The following NDUFS6 variants were observed in gnomAD, a reference collection of about 807,000 sequenced individuals.
NDUFS6 encodes the protein NADH dehydrogenase [ubiquinone] iron-sulfur protein 6, mitochondrial.
A neutral mutation model predicts 13.2 loss-of-function variants in NDUFS6; 14 were observed. That is an observed-to-expected ratio of 1.06 (90% CI 0.70 to 1.66). NDUFS6 has a LOEUF of 1.66. Among genes scored for constraint, NDUFS6 ranks in the 40% most tolerant of loss-of-function variants. The pLI, the probability that NDUFS6 is intolerant of heterozygous loss-of-function variation, is 0.00. For synonymous variants in NDUFS6, 95 were observed against 72.3 expected (o/e 1.31, Z -1.60); for missense variants, 206 against 170.8 (o/e 1.21, Z -1.15).
chr5:1,807,376 A>G (rs996294245), intron 2 of NDUFS6, among the ~76,000 whole-genome samples: 4 of 152,190 alleles, frequency 2.6e-5, no homozygotes, highest in African/African-American at 7.2e-5. Context: ...TGGTTGCACA[A>G]TAATGTGAAT....
At chr5:1,802,509 T>G in intron 2 of NDUFS6, 135 bp downstream of exon 2, 1 of 655,274 alleles carries the variant, frequency 1.5e-6, no homozygotes, top group Non-Finnish European at 2.6e-6. Flanking sequence ...CTGGATGGGG[T>G]TCTTCCTTTC....
chr5:1,814,906 G>C lies in NDUFS6; in HGVS notation c.309+445G>C, dbSNP rs1475076546. On this transcript the variant is annotated intron_variant, in intron 3 of 3. Coordinates refer to ENST00000274137, the MANE Select transcript of NDUFS6 (RefSeq NM_004553.6). This position sits in a 1 kb window ranked among gnomAD's most constrained non-coding sequence, Gnocchi z 4.9. ...GGCTTGCAGATGAGGTCTCCTCCCT[G>C]TGTCTTCACAGGGCCGTCCCTCTGT... 6.6e-6 allele frequency among the ~76,000 whole-genome samples: 1 copy of C among 152,124 alleles called. No homozygotes were observed. Among genetic ancestry groups the C allele is most frequent in the Non-Finnish European group, 1.5e-5 (1 of 68,016 alleles).
At position 1,814,274 on chromosome 5, in the gene NDUFS6, G is replaced by T. The variant is rs537678832; in HGVS notation, c.187-65G>T. 6.5e-7 allele frequency: 1 copy of T among 1,532,436 alleles called. No individual in the cohort carries two copies. The highest frequency in any genetic ancestry group is 2.3e-5 in the East Asian group (1 of 43,914). The allele number at this position is 1,532,436 out of a possible 1,614,324, so 94.9% of individuals were successfully genotyped here. ...ATGGTACATGAATTTGTGTGTGGTGGGTTAAATTGTATGTAGTTAGCAAGT... is the reference window on the plus strand; with the variant it reads ...ATGGTACATGAATTTGTGTGTGGTGTGTTAAATTGTATGTAGTTAGCAAGT... On this transcript the variant is annotated intron_variant, in intron 2 of 3. Transcript: ENST00000274137. This position sits in a 1 kb window ranked among gnomAD's most constrained non-coding sequence, Gnocchi z 4.9.
rs1250169721 is a variant in NDUFS6 at position 1,816,000 on chromosome 5, G to T, written c.*84G>T. On this transcript the variant is annotated 3_prime_UTR_variant, in exon 4 of 4. Coordinates refer to ENST00000274137, the MANE Select transcript of NDUFS6 (RefSeq NM_004553.6). Reference sequence around the variant, plus strand: ...AGCACGTGAAGCTCGCTGGTTCTGTGCGAAGGGTATTCCTGGTGCTGAATA... The same window carrying T: ...AGCACGTGAAGCTCGCTGGTTCTGTTCGAAGGGTATTCCTGGTGCTGAATA... 8 of 1,431,554 alleles carry T rather than the reference G, an allele frequency of 5.6e-6. No homozygotes were observed. Among genetic ancestry groups the T allele is most frequent in the Admixed American group, 1.7e-5 (1 of 59,784 alleles). 88.7% of individuals were successfully genotyped at this position (1,431,554 alleles called of 1,614,324 possible).
chr5:1,806,321 G>A (rs1734121295), intron 2 of NDUFS6, among the ~76,000 whole-genome samples: 2 of 152,154 alleles, frequency 1.3e-5, no homozygotes, highest in Admixed American at 6.5e-5. Context: ...TCGGCAGGGC[G>A]GAGTCACTCC....
At chr5:1,813,059 G>T (rs954564993) in intron 2 of NDUFS6, among the ~76,000 whole-genome samples, 1 of 151,912 alleles carries the variant, frequency 6.6e-6, no homozygotes, top group Non-Finnish European at 1.5e-5. Context: ...CTCAAAAAAA[G>T]AAAAGAAAGG....
rs1251044703 is a variant in NDUFS6, at chr5:1,808,244, G to A, written c.186+5870G>A. On this transcript the variant is annotated intron_variant, in intron 2 of 3. Transcript: ENST00000274137. ...GTCCTTTAGGGGGTGTTTGAGACGC[G>A]GGCGGTGCGATGTGCGCCATGGCTG... 3.3e-5 allele frequency among the ~76,000 whole-genome samples: 5 copies of A among 152,112 alleles called. No homozygotes were observed. The East Asian group carries it at 7.7e-4, about 23-fold the overall frequency.
chr5:1,808,862 A>G (rs3776143), intron 2 of NDUFS6, among the ~76,000 whole-genome samples: 110,980 of 152,246 alleles, frequency 0.73, 43,487 homozygotes, highest in Non-Finnish European at 0.87. Flanking sequence ...AATTATTGGC[A>G]TTCATGTTCA....
At chr5:1,815,792 A>C (rs1321283145) in intron 3 of NDUFS6, 59 bp from the exon 4 acceptor site, 1 of 1,522,204 alleles carries the variant, frequency 6.6e-7, no homozygotes, top group Non-Finnish European at 9.1e-7. Flanking sequence ...TCAATGCTTA[A>C]TATCTAGATT....
rs181553814 is a variant in NDUFS6 at position 1,813,009 on chromosome 5, G to A, written c.187-1330G>A. Among the ~76,000 whole-genome samples, 215 of 152,174 alleles carry A rather than the reference G, an allele frequency of 1.4e-3. 2 individuals are homozygous for A. Among genetic ancestry groups the A allele is most frequent in the Non-Finnish European group, 4.0e-4 (27 of 68,002 alleles). On this transcript the variant is annotated intron_variant, in intron 2 of 3. Coordinates refer to ENST00000274137, the MANE Select transcript of NDUFS6 (RefSeq NM_004553.6). ...GGAGGTGGCAGTGAGCCAAAATCGC[G>A]CCACTGCATTCCAGCCTGGGCGACA...
intron 2 of NDUFS6, among the ~76,000 whole-genome samples, chr5:1,808,337 C>T (rs559006817): frequency 6.6e-6 from 1 of 152,202 alleles, no homozygotes; most frequent in African/African-American, 2.4e-5. Flanking sequence ...CTCCCAAATA[C>T]GCCATCTTTA....
chr5:1,808,633 G>A (rs991618242), intron 2 of NDUFS6, among the ~76,000 whole-genome samples: 2 of 152,170 alleles, frequency 1.3e-5, no homozygotes, highest in African/African-American at 4.8e-5. Flanking sequence ...GTGTCTTGTG[G>A]TTCTTTCTCT....
intron 2 of NDUFS6, among the ~76,000 whole-genome samples, chr5:1,812,456 C>G (rs1734232148): frequency 6.9e-6 from 1 of 145,194 alleles, no homozygotes; most frequent in African/African-American, 2.5e-5. Flanking sequence ...CCACATTTTG[C>G]AGTTATAATC....
chr5:1,802,801 TCC>T (rs1482960311), intron 2 of NDUFS6, among the ~76,000 whole-genome samples: 1 of 152,202 alleles, frequency 6.6e-6, no homozygotes, highest in Non-Finnish European at 1.5e-5. Flanking sequence ...GAGTTTTTCT[TCC>T]CTTAGTGGGT....
intron 2 of NDUFS6, among the ~76,000 whole-genome samples, chr5:1,810,287 C>T (rs530627030): frequency 6.6e-6 from 1 of 152,354 alleles, no homozygotes; most frequent in Non-Finnish European, 1.5e-5. Context: ...GGGGCTGGCC[C>T]TCCAGGAGGG....
intron 2 of NDUFS6, among the ~76,000 whole-genome samples, chr5:1,807,514 T>C (rs763332783): frequency 4.0e-4 from 61 of 152,194 alleles, no homozygotes; most frequent in Non-Finnish European, 7.2e-4. Flanking sequence ...GGTTCCTCCC[T>C]GAGGCTTCTG....
chr5:1,814,709 G>C lies in NDUFS6; in HGVS notation c.309+248G>C. On this transcript the variant is annotated intron_variant, in intron 3 of 3. Coordinates refer to ENST00000274137, the MANE Select transcript of NDUFS6 (RefSeq NM_004553.6). This position sits in a 1 kb window ranked among gnomAD's most constrained non-coding sequence, Gnocchi z 4.9. ...CATGTTTCTCTTCTCGGACGCCCAA[G>C]CGTCTTTCCTCTCTGGGCCCTTCTC... The C allele has an allele frequency of 1.4e-6, 1 of 718,072 alleles. No individual in the cohort carries two copies. The highest frequency in any genetic ancestry group is 2.5e-6 in the Non-Finnish European group (1 of 399,456). The allele number at this position is 718,072 out of a possible 1,614,324, so 44.5% of individuals were successfully genotyped here. A position where few individuals can be genotyped will look rare whatever the true frequency, so the allele number is the denominator to read the frequency against.
intron 1 of NDUFS6, among the ~76,000 whole-genome samples, chr5:1,801,998 G>A (rs1734052923): frequency 6.6e-6 from 1 of 152,194 alleles, no homozygotes; most frequent in Non-Finnish European, 1.5e-5. Flanking sequence ...TAGATTTAAT[G>A]GGGGGATAGT....
intron 2 of NDUFS6, among the ~76,000 whole-genome samples, chr5:1,807,798 A>G (rs3776146): frequency 0.86 from 130,591 of 152,246 alleles, 56,641 homozygotes; most frequent in Non-Finnish European, 0.91. Flanking sequence ...GCACACACAC[A>G]CTGTTGGTCA....
Sources: gnomAD v4.1 joint callset for allele counts (sites outside exome capture counted in the v4.1 genomes callset) on GRCh38, gnomAD v4.1.1 for gene constraint, Gnocchi (gnomAD v3.1) non-coding constraint, MANE v1.5 for transcripts, NCBI Gene and HGNC (gene_info 2026-07-23, HGNC 2026-07-21) for gene names.